Variants in IVD observed in about 807,000 individuals in gnomAD.
IVD encodes isovaleryl-CoA dehydrogenase.
A neutral mutation model predicts 51.3 loss-of-function variants in IVD; 31 were observed. The observed-to-expected ratio is 0.60, with a 90% confidence interval of 0.45 to 0.81. The LOEUF is 0.81. IVD is among the 40% of genes least tolerant of loss of function. The probability of loss-of-function intolerance (pLI) is 0.00; values close to 1 mark genes in which losing one functional copy is unlikely to be tolerated. For missense variants in IVD, 475 were observed against 552.0 expected, an observed-to-expected ratio of 0.86 and a Z score of 1.40; for synonymous variants, 205 against 219.4, an observed-to-expected ratio of 0.93 and a Z score of 0.58.
intron 2 of IVD, 22 bp downstream of exon 2, chr15:40,407,747 G>A: frequency 6.2e-7 from 1 of 1,601,888 alleles, no homozygotes. Context: ...GGTCCGGGCA[G>A]TCGGGGGCAG....
downstream of IVD, among the ~76,000 whole-genome samples, chr15:40,423,537 C>CT (rs1244461685): frequency 6.6e-6 from 1 of 152,236 alleles, no homozygotes; most frequent in Non-Finnish European, 1.5e-5. Flanking sequence ...TCTCAGCTGA[C>CT]TGCAACCTCC....
chr15:40,424,242 A>G (rs1892537540), downstream of IVD: 5 of 1,241,586 alleles, frequency 4.0e-6, no homozygotes, highest in East Asian at 2.3e-4. Context: ...TGGCAAGGCA[A>G]ATATGACTCT....
At chr15:40,435,154 A>T (rs1181916675) in intron 8 of IVD, among the ~76,000 whole-genome samples, 1 of 152,202 alleles carries the variant, frequency 6.6e-6, no homozygotes, top group Admixed American at 6.5e-5. Context: ...TATGGTTTTT[A>T]TGAGAAATGT....
At chr15:40,422,019 C>T (rs1198577152), downstream of IVD, among the ~76,000 whole-genome samples, 1 of 152,248 alleles carries the variant, frequency 6.6e-6, no homozygotes, top group Non-Finnish European at 1.5e-5. Context: ...TCCTCTGACC[C>T]TCTCCCTCGA....
intron 3 of IVD, among the ~76,000 whole-genome samples, chr15:40,408,986 C>T (rs1269593488): frequency 6.6e-6 from 1 of 152,114 alleles, no homozygotes; most frequent in Non-Finnish European, 1.5e-5. Flanking sequence ...CCTGTATTCA[C>T]TCTGGGCATG....
intron 3 of IVD, among the ~76,000 whole-genome samples, chr15:40,409,276 C>T (rs1890792560): frequency 6.6e-6 from 1 of 151,870 alleles, no homozygotes. Context: ...TAGTGGGCTC[C>T]TATAATCCGA....
In IVD at chr15:40,413,284, T is replaced by G. The variant is rs1185391802; in HGVS notation, c.784+197T>G. ...AGGGCCCTGCAGCGGCATGCCTAAC[T>G]GGCATCACACACTCCGCATAGGGTC... On this transcript the variant is annotated intron_variant, in intron 7 of 11. Transcript: ENST00000487418. The G allele has an allele frequency of 1.4e-5, 9 of 635,856 alleles. No homozygotes were observed. The East Asian group carries it at 2.3e-4, about 16-fold the overall frequency. 39.4% of individuals were successfully genotyped at this position (635,856 alleles called of 1,614,324 possible). A position where few individuals can be genotyped will look rare whatever the true frequency, so the allele number is the denominator to read the frequency against.
rs1891248621 is a variant in IVD at position 40,413,041 on chromosome 15, G to A, written c.738G>A (p.Arg246=). The A allele has an allele frequency of 6.2e-7, 1 of 1,614,114 alleles. No homozygotes were observed. Among genetic ancestry groups the A allele is most frequent in the Non-Finnish European group, 8.5e-7 (1 of 1,179,986 alleles). The change falls in exon 7 of 12, where the codon AGG becomes AGA. Residue 246 remains arginine (R), a synonymous_variant. Coordinates refer to ENST00000487418, the MANE Select transcript of IVD (RefSeq NM_002225.5). ...TSKKLDKLGM[R]GSNTCELIFE... ...AGAAGCTGGACAAGCTGGGGATGAGGGGCTCTAACACCTGTGAGCTAATCT... is the reference window on the plus strand; with the variant it reads ...AGAAGCTGGACAAGCTGGGGATGAGAGGCTCTAACACCTGTGAGCTAATCT...
rs12185076 is a variant in IVD, at chr15:40,420,153, G to C, written c.*1890G>C. The C allele has an allele frequency of 0.13, 126,978 of 985,564 alleles. 8,275 individuals carry two copies. Among genetic ancestry groups the C allele is most frequent in the Non-Finnish European group, 0.13 (110,813 of 830,034 alleles). The allele number at this position is 985,564 out of a possible 1,614,324, so 61.1% of individuals were successfully genotyped here. ...CACACATGCTGCTGAGTCCGCAGGG[G>C]GGGCAGAGCAGAGGACAGCGTGCTT... is the stretch of plus-strand genomic sequence containing the variant. On this transcript the variant is annotated 3_prime_UTR_variant, in exon 12 of 12. Transcript: ENST00000487418.
At chr15:40,425,440 C>CTATATATATATATATATATATA (rs72252183), downstream of IVD, among the ~76,000 whole-genome samples, 46 of 137,824 alleles carry the variant, frequency 3.3e-4, no homozygotes, top group African/African-American at 1.3e-3. Flanking sequence ...TGGACTCATA[C>CTATATATATATATATATATATA]TATATATATA....
At chr15:40,406,002 A>G (rs1595751032) in intron 1 of IVD, 31 bp downstream of exon 1, 1 of 1,254,844 alleles carries the variant, frequency 8.0e-7, no homozygotes, top group East Asian at 2.4e-5. Flanking sequence ...CCTGGCCCCA[A>G]GGCCTCCTTC....
At chr15:40,424,411 T>C (rs1892548808), downstream of IVD, 1 of 307,114 alleles carries the variant, frequency 3.3e-6, no homozygotes, top group African/African-American at 2.3e-5. Flanking sequence ...TTCTCTTGCT[T>C]CCTCATCTCT....
chr15:40,411,450 C>T (rs1891075818), intron 5 of IVD, 97 bp downstream of exon 5: 9 of 1,602,246 alleles, frequency 5.6e-6, no homozygotes, highest in Non-Finnish European at 7.7e-6. Flanking sequence ...GCTGGGTTTC[C>T]AGAACTTTCT....
intron 1 of IVD, 187 bp downstream of exon 1, chr15:40,406,158 C>T: frequency 6.5e-7 from 1 of 1,539,084 alleles, no homozygotes; most frequent in East Asian, 2.5e-5. Flanking sequence ...CCTCTGACCT[C>T]GGCCTCACGT....
intron 11 of IVD, 100 bp from the exon 12 acceptor site, chr15:40,418,030 C>G: frequency 1.3e-4 from 190 of 1,461,714 alleles, no homozygotes; most frequent in Non-Finnish European, 1.6e-4. Context: ...CTTTAATCAC[C>G]CTCTCCTCCT....
chr15:40,424,386 C>A, downstream of IVD: 1 of 305,730 alleles, frequency 3.3e-6, no homozygotes. Context: ...GGAAGTCCTT[C>A]CAGCCCTTCA....
At chr15:40,422,585 CT>C (rs1157351420), downstream of IVD, among the ~76,000 whole-genome samples, 38 of 69,138 alleles carry the variant, frequency 5.5e-4, no homozygotes, top group African/African-American at 1.3e-3. Context: ...GCCCGGCCGA[CT>C]TTTTTTTTTT....
chr15:40,424,150 C>T (rs763780812), downstream of IVD: 5 of 1,286,950 alleles, frequency 3.9e-6, 1 homozygote, highest in South Asian at 6.2e-5. Flanking sequence ...GCCCCTCAAC[C>T]CTTCCTCTAC....
chr15:40,418,029 C>A (rs1435211088), intron 11 of IVD, 101 bp from the exon 12 acceptor site: 3 of 1,220,670 alleles, frequency 2.5e-6, no homozygotes, highest in Admixed American at 3.9e-5. Context: ...TCTTTAATCA[C>A]CCTCTCCTCC....
Sources: allele counts gnomAD v4.1 joint callset (sites outside exome capture counted in the v4.1 genomes callset), GRCh38; gene constraint gnomAD v4.1.1; transcripts MANE v1.5; gene names NCBI Gene and HGNC (gene_info 2026-07-23, HGNC 2026-07-21).